MAN2A1: variants seen among roughly 807,000 people sequenced by gnomAD.
MAN2A1 encodes alpha-mannosidase 2.
A neutral mutation model predicts 142.6 loss-of-function variants in MAN2A1; 76 were observed. That is an observed-to-expected ratio of 0.53 (90% CI 0.44 to 0.65). The LOEUF is 0.65. MAN2A1 is among the 30% of genes least tolerant of loss of function. The pLI is 0.00. For synonymous variants in MAN2A1, 559 were observed against 473.2 expected, an observed-to-expected ratio of 1.18 and a Z score of -2.35; for missense variants, 1,311 against 1,365.1, an observed-to-expected ratio of 0.96 and a Z score of 0.62.
rs112947755 is a variant in MAN2A1 at position 109,836,728 on chromosome 5, T to C, written c.2567-5600T>C. ...CTTAATATTATTTTACAAATACAGG[T>C]ATAAATAATATATATGTGTACTCTT... is the stretch of plus-strand genomic sequence containing the variant. On this transcript the variant is annotated intron_variant, in intron 16 of 21. Transcript: ENST00000261483. 9.8e-5 allele frequency among the ~76,000 whole-genome samples: 15 copies of C among 152,290 alleles called. 1 individual carries two copies. Among genetic ancestry groups the C allele is most frequent in the African/African-American group, 3.4e-4 (14 of 41,556 alleles).
At chr5:109,829,770 A>G (rs1044643925) in intron 16 of MAN2A1, among the ~76,000 whole-genome samples, 8 of 152,178 alleles carry the variant, frequency 5.3e-5, no homozygotes, top group African/African-American at 1.9e-4. Flanking sequence ...AGTTTCCTCA[A>G]CTTTAATTTT....
In MAN2A1 at chr5:109,822,655, A is replaced by C. The variant is rs962350724; in HGVS notation, c.2452-1068A>C. Among the ~76,000 whole-genome samples, 13 of 152,276 alleles carry C rather than the reference A, an allele frequency of 8.5e-5. No individual in the cohort carries two copies. The South Asian group carries it at 1.9e-3, about 22-fold the overall frequency. Reference sequence around the variant, plus strand: ...CCCTAGCCAAAGAGGTAAATTTGGAAGAAAATTACACAATTCTGAAAAAAA... The same window carrying C: ...CCCTAGCCAAAGAGGTAAATTTGGACGAAAATTACACAATTCTGAAAAAAA... On this transcript the variant is annotated intron_variant, in intron 15 of 21. Coordinates refer to ENST00000261483, the MANE Select transcript of MAN2A1 (RefSeq NM_002372.4).
chr5:109,831,834 TTTA>T (rs1354895999), intron 16 of MAN2A1, among the ~76,000 whole-genome samples: 1 of 152,006 alleles, frequency 6.6e-6, no homozygotes, highest in Admixed American at 6.5e-5. Context: ...TGTGTGTGTA[TTTA>T]TGTATACAGT....
intron 1 of MAN2A1, among the ~76,000 whole-genome samples, chr5:109,691,258 C>T (rs753263551): frequency 3.9e-5 from 6 of 152,092 alleles, no homozygotes; most frequent in Non-Finnish European, 8.8e-5. Flanking sequence ...GGAAGACGAC[C>T]CATCCAAAGT....
chr5:109,772,327 C>G (rs1753169811), intron 7 of MAN2A1, among the ~76,000 whole-genome samples: 1 of 151,504 alleles, frequency 6.6e-6, no homozygotes, highest in Non-Finnish European at 1.5e-5. Flanking sequence ...CGAGATCTCT[C>G]CACTGCACTC....
intron 12 of MAN2A1, chr5:109,804,021 A>G (rs1021749872): frequency 2.6e-5 from 6 of 229,850 alleles, no homozygotes; most frequent in African/African-American, 1.4e-4. Flanking sequence ...CCCAGTGTCC[A>G]TCATGTCTTC....
At chr5:109,700,649 T>G (rs912505281) in intron 1 of MAN2A1, among the ~76,000 whole-genome samples, 1 of 152,192 alleles carries the variant, frequency 6.6e-6, no homozygotes, top group African/African-American at 2.4e-5. Flanking sequence ...AGAAAAGTCA[T>G]GAAAAATTCA....
intron 12 of MAN2A1, among the ~76,000 whole-genome samples, chr5:109,811,123 C>T (rs1754305586): frequency 6.6e-6 from 1 of 151,492 alleles, no homozygotes; most frequent in African/African-American, 2.4e-5. Context: ...ACCTTTTGTA[C>T]CACAGATTAT....
intron 20 of MAN2A1, chr5:109,863,488 CTT>C (rs1755806130): frequency 7.9e-5 from 12 of 152,312 alleles, no homozygotes; most frequent in Admixed American, 7.2e-4. Context: ...CTGAACCACT[CTT>C]ACTACACAGC....
In MAN2A1 at chr5:109,770,468, C is replaced by A; in HGVS notation, c.1123C>A (p.Leu375Ile). The A allele has an allele frequency of 6.2e-7, 1 of 1,614,016 alleles. No homozygotes were observed. The highest frequency in any genetic ancestry group is 1.1e-5 in the South Asian group (1 of 91,084). Residue 375 changes from leucine (L) to isoleucine (I), a missense_variant, in exon 7 of 22, where the codon CTT (leucine) becomes ATT (isoleucine). This residue lies in a region of MAN2A1 where 890 missense variants were observed against 920.5 expected (regional missense o/e 0.97). Transcript: ENST00000261483. The part of the protein sequence containing the change: ...KICCQFDFKR[L>I]PGGRFGCPWG... Reference sequence around the variant, plus strand: ...ATGCTGCCAGTTTGATTTTAAACGTCTTCCTGGAGGCAGATTTGGTTGTCC... The same window carrying A: ...ATGCTGCCAGTTTGATTTTAAACGTATTCCTGGAGGCAGATTTGGTTGTCC...
Position 109,693,909 on chromosome 5 carries a change from A to G in MAN2A1, c.135+3357A>G, listed in dbSNP as rs138875474. Among the ~76,000 whole-genome samples the G allele has an allele frequency of 2.4e-3, 367 of 152,348 alleles. 2 individuals carry two copies. The highest frequency in any genetic ancestry group is 8.6e-3 in the African/African-American group (357 of 41,574). ...TTCCACTGTGAATGAGAGGTTGGTC[A>G]GAGACTAATGTCTTGAAAATGCTTT... On this transcript the variant is annotated intron_variant, in intron 1 of 21. Coordinates refer to ENST00000261483, the MANE Select transcript of MAN2A1 (RefSeq NM_002372.4).
At chr5:109,734,873 G>A (rs1248388333) in intron 4 of MAN2A1, among the ~76,000 whole-genome samples, 1 of 152,226 alleles carries the variant, frequency 6.6e-6, no homozygotes, top group African/African-American at 2.4e-5. Context: ...GAGTTCTGTA[G>A]ATGTCTGTTA....
intron 16 of MAN2A1, among the ~76,000 whole-genome samples, chr5:109,838,774 T>A (rs1161539775): frequency 6.6e-6 from 1 of 152,220 alleles, no homozygotes; most frequent in Non-Finnish European, 1.5e-5. Flanking sequence ...TAAATTGATA[T>A]CTTGCTGAAT....
chr5:109,770,106 T>C (rs1416477988), intron 6 of MAN2A1, among the ~76,000 whole-genome samples: 2 of 152,206 alleles, frequency 1.3e-5, no homozygotes, highest in Non-Finnish European at 2.9e-5. Flanking sequence ...CGCTGGTTCA[T>C]GCTGGGGCTT....
At chr5:109,736,173 A>T (rs535007102) in intron 4 of MAN2A1, among the ~76,000 whole-genome samples, 1 of 152,298 alleles carries the variant, frequency 6.6e-6, no homozygotes, top group African/African-American at 2.4e-5. Flanking sequence ...ATGCACACAT[A>T]TGCATGCATA....
chr5:109,734,757 C>T (rs1266655910), intron 4 of MAN2A1, among the ~76,000 whole-genome samples: 3 of 152,040 alleles, frequency 2.0e-5, no homozygotes, highest in African/African-American at 7.3e-5. Flanking sequence ...AATTTCTGTT[C>T]TTTTACGTTT....
chr5:109,699,211 C>G (rs531044804), intron 1 of MAN2A1, among the ~76,000 whole-genome samples: 1 of 152,202 alleles, frequency 6.6e-6, no homozygotes. Flanking sequence ...CACTCAATTT[C>G]TCTTCCTTCT....
At chr5:109,775,714 A>G (rs888073452) in intron 8 of MAN2A1, among the ~76,000 whole-genome samples, 1 of 152,130 alleles carries the variant, frequency 6.6e-6, no homozygotes, top group Non-Finnish European at 1.5e-5. Flanking sequence ...TCTCTAAATT[A>G]TAAAAGTTCT....
intron 4 of MAN2A1, among the ~76,000 whole-genome samples, chr5:109,751,576 TTAAA>T (rs1052214424): frequency 6.6e-6 from 1 of 151,976 alleles, no homozygotes; most frequent in Non-Finnish European, 1.5e-5. Context: ...GTTTTTTTTT[TTAAA>T]TAAATCTTCA....
Sources: allele counts gnomAD v4.1 joint callset (sites outside exome capture counted in the v4.1 genomes callset), GRCh38; gene constraint gnomAD v4.1.1; regional missense constraint gnomAD v4.1.1; transcripts MANE v1.5; gene names NCBI Gene and HGNC (gene_info 2026-07-23, HGNC 2026-07-21).